Variants in NRP1 observed in about 807,000 individuals in gnomAD.
NRP1 encodes the protein neuropilin 1.
Under a neutral mutation model 106.7 loss-of-function variants are expected in NRP1, and 35 were observed. The observed-to-expected ratio is 0.33, with a 90% CI of 0.25 to 0.43. NRP1 has a LOEUF of 0.43. Among genes scored for constraint, NRP1 ranks in the 20% least tolerant of loss-of-function variants. The probability of loss-of-function intolerance (pLI) is 1.00; values close to 1 mark genes in which losing one functional copy is unlikely to be tolerated. For synonymous variants in NRP1, 437 were observed against 417.9 expected (o/e 1.05, Z -0.56); for missense variants, 1,024 against 1,170.4 (o/e 0.87, Z 1.83).
At chr10:33,281,782 G>A (rs1421236402) in intron 2 of NRP1, among the ~76,000 whole-genome samples, 2 of 152,198 alleles carry the variant, frequency 1.3e-5, no homozygotes, top group Non-Finnish European at 2.9e-5. Context: ...GCTTGTAGGT[G>A]TTCGATGGTC....
intron 2 of NRP1, among the ~76,000 whole-genome samples, chr10:33,274,584 G>T (rs1843549081): frequency 6.6e-6 from 1 of 152,148 alleles, no homozygotes; most frequent in South Asian, 2.1e-4. Flanking sequence ...CTTTGCCTAA[G>T]TCAGGTTTTC....
At chr10:33,253,349 T>C (rs1159350061) in intron 6 of NRP1, among the ~76,000 whole-genome samples, 2 of 151,964 alleles carry the variant, frequency 1.3e-5, no homozygotes, top group African/African-American at 4.8e-5. Context: ...GAGGTGTCTG[T>C]GGGGATATGT....
At chr10:33,330,977 A>G (rs770767310) in intron 1 of NRP1, 95 bp from the exon 2 acceptor site, 1 of 1,140,898 alleles carries the variant, frequency 8.8e-7, no homozygotes, top group Non-Finnish European at 1.2e-6. Flanking sequence ...ACATTCCTTA[A>G]CTTTTTAAGG....
At chr10:33,328,427 C>G (rs1414616749) in intron 2 of NRP1, among the ~76,000 whole-genome samples, 1 of 152,126 alleles carries the variant, frequency 6.6e-6, no homozygotes, top group African/African-American at 2.4e-5. Flanking sequence ...AACCAGATGA[C>G]CTTATTTCCC....
At chr10:33,207,462 C>A (rs992532144) in intron 10 of NRP1, 110 bp downstream of exon 10, 15 of 1,185,422 alleles carry the variant, frequency 1.3e-5, no homozygotes, top group Non-Finnish European at 1.7e-5. Context: ...AGATAAGGGG[C>A]CTCCCAAGGG....
intron 8 of NRP1, among the ~76,000 whole-genome samples, chr10:33,220,900 C>CAAAA (rs35895871): frequency 3.3e-5 from 2 of 60,662 alleles, no homozygotes; most frequent in Admixed American, 2.0e-4. Context: ...GGCTCAGTCT[C>CAAAA]AAAAAAAAAA....
At chr10:33,180,561 A>G (rs1444730580) in intron 16 of NRP1, among the ~76,000 whole-genome samples, 196 bp from the exon 17 acceptor site, 1 of 152,196 alleles carries the variant, frequency 6.6e-6, no homozygotes, top group Non-Finnish European at 1.5e-5. Flanking sequence ...CAGACTGCTT[A>G]GCACGTGGAA....
At chr10:33,280,156 C>A (rs1844010218) in intron 2 of NRP1, among the ~76,000 whole-genome samples, 2 of 152,144 alleles carry the variant, frequency 1.3e-5, no homozygotes. Context: ...ATCTAAATTT[C>A]TTGTTTCTGA....
chr10:33,279,024 C>T (rs1329142410), intron 2 of NRP1, among the ~76,000 whole-genome samples: 1 of 152,144 alleles, frequency 6.6e-6, no homozygotes, highest in Non-Finnish European at 1.5e-5. Context: ...ATGGCTTTCA[C>T]TGTAGTAATG....
chr10:33,202,827 A>G (rs1040724769), intron 11 of NRP1, 64 bp downstream of exon 11: 4 of 1,614,092 alleles, frequency 2.5e-6, no homozygotes, highest in Non-Finnish European at 2.5e-6. Flanking sequence ...CACAGGCGTT[A>G]GCTGGTCCCA....
At chr10:33,237,691 C>T (rs544786496) in intron 6 of NRP1, among the ~76,000 whole-genome samples, 8 of 145,560 alleles carry the variant, frequency 5.5e-5, no homozygotes, top group Non-Finnish European at 1.2e-4. Context: ...TGATTATAGT[C>T]GCTGGGACTA....
chr10:33,251,909 G>C (rs1841888277), intron 6 of NRP1, among the ~76,000 whole-genome samples: 1 of 152,100 alleles, frequency 6.6e-6, no homozygotes. Context: ...GAAGGGAAGT[G>C]CAGGGTAGAG....
chr10:33,242,080 G>GCATA, intron 6 of NRP1, among the ~76,000 whole-genome samples: 3 of 152,154 alleles, frequency 2.0e-5, no homozygotes, highest in Non-Finnish European at 4.4e-5. Flanking sequence ...GAAGTTGATA[G>GCATA]TCGGAGCTGA....
intron 10 of NRP1, among the ~76,000 whole-genome samples, chr10:33,203,789 G>T (rs540193294): frequency 5.3e-5 from 4 of 75,942 alleles, no homozygotes; most frequent in African/African-American, 1.5e-4. Flanking sequence ...GCCGGACTGC[G>T]GACTGCAGTG....
intron 2 of NRP1, among the ~76,000 whole-genome samples, chr10:33,327,662 T>TC (rs1847982451): frequency 6.8e-6 from 1 of 146,252 alleles, no homozygotes; most frequent in South Asian, 2.2e-4. Flanking sequence ...GTTCCCAGGT[T>TC]TTTTTTTTCC....
At chr10:33,320,039 G>A (rs1045389906) in intron 2 of NRP1, among the ~76,000 whole-genome samples, 46 of 151,848 alleles carry the variant, frequency 3.0e-4, no homozygotes, top group African/African-American at 1.1e-3. Context: ...GGGGCCGGGC[G>A]TGGTGGCTCA....
chr10:33,281,828 G>A (rs1439713596), intron 2 of NRP1, among the ~76,000 whole-genome samples: 1 of 152,200 alleles, frequency 6.6e-6, no homozygotes, highest in East Asian at 1.9e-4. Context: ...GAGAGAAGGA[G>A]AGAGACAAAT....
At chr10:33,298,685 T>C (rs1845587325) in intron 2 of NRP1, among the ~76,000 whole-genome samples, 1 of 152,160 alleles carries the variant, frequency 6.6e-6, no homozygotes, top group South Asian at 2.1e-4. Flanking sequence ...CCATTTCAAG[T>C]TATGTATTCT....
At chr10:33,203,100 TAAG>T (rs1837473922) in intron 10 of NRP1, 105 bp from the exon 11 acceptor site, 2 of 1,121,180 alleles carry the variant, frequency 1.8e-6, no homozygotes, top group African/African-American at 1.6e-5. Context: ...TAATCTGCGG[TAAG>T]AAGACCAGGG....
Sources: gnomAD v4.1 joint callset for allele counts (sites outside exome capture counted in the v4.1 genomes callset) on GRCh38, gnomAD v4.1.1 for gene constraint, MANE v1.5 for transcripts, NCBI Gene and HGNC (gene_info 2026-07-23, HGNC 2026-07-21) for gene names.